KIAA1217: variants seen among roughly 807,000 people sequenced by gnomAD.
The protein encoded by KIAA1217 is KIAA1217.
KIAA1217 carries 88 observed loss-of-function variants against 163.9 expected under a neutral mutation model. The observed-to-expected ratio is 0.54, with a 90% CI of 0.45 to 0.64. The LOEUF is 0.64. Ranked by LOEUF, KIAA1217 falls within the 30% of genes least tolerant of loss-of-function variation. The pLI, the probability that KIAA1217 is intolerant of heterozygous loss-of-function variation, is 0.00. For synonymous variants in KIAA1217, 903 were observed against 923.1 expected, an observed-to-expected ratio of 0.98 and a Z score of 0.39; for missense variants, 2,372 against 2,475.0, an observed-to-expected ratio of 0.96 and a Z score of 0.88.
chr10:24,322,970 G>A (rs886433266), intron 2 of KIAA1217, among the ~76,000 whole-genome samples: 2 of 152,068 alleles, frequency 1.3e-5, no homozygotes, highest in African/African-American at 4.8e-5. Context: ...TATAGACAAA[G>A]TCTCACTCTA....
At chr10:24,322,232 GT>G (rs1422898743) in intron 2 of KIAA1217, among the ~76,000 whole-genome samples, 1 of 152,182 alleles carries the variant, frequency 6.6e-6, no homozygotes, top group Admixed American at 6.5e-5. Context: ...GGGATTACAG[GT>G]GTGAGCCACC....
intron 2 of KIAA1217, among the ~76,000 whole-genome samples, chr10:24,108,028 A>G (rs1043005713): frequency 2.0e-4 from 30 of 152,192 alleles, no homozygotes; most frequent in African/African-American, 6.8e-4. Context: ...TGAAGAGTCT[A>G]CAGGCACACA....
intron 2 of KIAA1217, among the ~76,000 whole-genome samples, chr10:24,371,397 A>G (rs185285156): frequency 1.3e-5 from 2 of 152,356 alleles, no homozygotes; most frequent in East Asian, 3.9e-4. Flanking sequence ...GAAAATTGCT[A>G]AAATTCCAAA....
chr10:23,704,626 T>C (rs1353113366), intron 1 of KIAA1217, among the ~76,000 whole-genome samples: 4 of 152,210 alleles, frequency 2.6e-5, no homozygotes, highest in African/African-American at 7.2e-5. Context: ...TGTTGTTGCA[T>C]GTGTCATTAA....
chr10:24,267,597 G>T (rs2076358059), intron 2 of KIAA1217, among the ~76,000 whole-genome samples: 1 of 152,294 alleles, frequency 6.6e-6, no homozygotes, highest in South Asian at 2.1e-4. Context: ...ACAGGCATGA[G>T]CCACCATGCC....
At chr10:23,717,282 T>G (rs77805515) in intron 1 of KIAA1217, among the ~76,000 whole-genome samples, 1 of 152,212 alleles carries the variant, frequency 6.6e-6, no homozygotes, top group African/African-American at 2.4e-5. Context: ...ATTTTTTTTT[T>G]GCTCTGAATT....
chr10:24,540,642 C>T (rs896520572), intron 17 of KIAA1217, among the ~76,000 whole-genome samples: 1 of 152,336 alleles, frequency 6.6e-6, no homozygotes, highest in South Asian at 2.1e-4. Flanking sequence ...GTCTTTAGAT[C>T]ACATGCCAAA....
chr10:24,345,234 C>T (rs543027617), intron 2 of KIAA1217, among the ~76,000 whole-genome samples: 3 of 152,328 alleles, frequency 2.0e-5, no homozygotes, highest in African/African-American at 7.2e-5. Flanking sequence ...GAAGCCACGG[C>T]AGATCATGGC....
chr10:24,104,558 T>C (rs1354865530), intron 2 of KIAA1217, among the ~76,000 whole-genome samples: 3 of 152,142 alleles, frequency 2.0e-5, no homozygotes, highest in Non-Finnish European at 4.4e-5. Context: ...TTCAGGGCAG[T>C]GAAAATACTT....
intron 2 of KIAA1217, among the ~76,000 whole-genome samples, chr10:24,280,469 T>C (rs2132191846): frequency 6.6e-6 from 1 of 152,330 alleles, no homozygotes; most frequent in South Asian, 2.1e-4. Context: ...ACCTAGATTC[T>C]AGATTGAAAA....
chr10:24,474,088 T>C, intron 6 of KIAA1217, 28 bp downstream of exon 6: 2 of 1,536,320 alleles, frequency 1.3e-6, no homozygotes, highest in Non-Finnish European at 1.8e-6. Flanking sequence ...TGACCGAGGG[T>C]GGTACCTGGG....
intron 2 of KIAA1217, among the ~76,000 whole-genome samples, chr10:24,110,204 C>T (rs192324778): frequency 7.9e-5 from 12 of 152,016 alleles, no homozygotes; most frequent in African/African-American, 2.9e-4. Flanking sequence ...TGTCTTCGTC[C>T]GAAGACAAAC....
chr10:23,703,538 G>A (rs753006776), intron 1 of KIAA1217, among the ~76,000 whole-genome samples: 10 of 152,128 alleles, frequency 6.6e-5, no homozygotes, highest in Non-Finnish European at 1.5e-4. Context: ...TGAACTGTTT[G>A]CCAATTTCTG....
At chr10:24,356,446 A>G (rs1396258359) in intron 2 of KIAA1217, among the ~76,000 whole-genome samples, 1 of 152,220 alleles carries the variant, frequency 6.6e-6, no homozygotes, top group Non-Finnish European at 1.5e-5. Context: ...CCATTAGTCT[A>G]GGCCTTCCTT....
chr10:24,466,683 A>G (rs539379036), intron 5 of KIAA1217: 1 of 985,474 alleles, frequency 1.0e-6, no homozygotes, highest in Non-Finnish European at 1.2e-6. Context: ...TCAAGTGTGC[A>G]ACCAAGGATT....
intron 2 of KIAA1217, among the ~76,000 whole-genome samples, chr10:24,265,094 G>C (rs1429575689): frequency 7.9e-5 from 12 of 152,074 alleles, no homozygotes; most frequent in Admixed American, 7.9e-4. Flanking sequence ...GAACTCCTGG[G>C]CTCAAGCAAT....
chr10:24,164,583 AAAAAGCT>A (rs1387709131), intron 2 of KIAA1217, among the ~76,000 whole-genome samples: 1 of 152,192 alleles, frequency 6.6e-6, no homozygotes, highest in Non-Finnish European at 1.5e-5. Context: ...GGTCAGTCTG[AAAAAGCT>A]TGTAGTTTGA....
At chr10:24,320,322 T>C (rs1356522802) in intron 2 of KIAA1217, among the ~76,000 whole-genome samples, 1 of 152,244 alleles carries the variant, frequency 6.6e-6, no homozygotes, top group Non-Finnish European at 1.5e-5. Context: ...GAATGGCTAA[T>C]CACAAATATA....
intron 1 of KIAA1217, among the ~76,000 whole-genome samples, chr10:23,738,656 T>C (rs1416891030): frequency 6.6e-6 from 1 of 152,092 alleles, no homozygotes; most frequent in Non-Finnish European, 1.5e-5. Context: ...AGGAAAATGG[T>C]GAGCAGTGAG....
Sources: gnomAD v4.1 joint callset for allele counts (sites outside exome capture counted in the v4.1 genomes callset) on GRCh38, gnomAD v4.1.1 for gene constraint, MANE v1.5 for transcripts, NCBI Gene and HGNC (gene_info 2026-07-23, HGNC 2026-07-21) for gene names.